PCDH15: variants seen among roughly 807,000 people sequenced by gnomAD.
The protein encoded by PCDH15 is protocadherin-15.
Under a neutral mutation model 178.5 loss-of-function variants are expected in PCDH15, and 129 were observed. The observed-to-expected ratio is 0.72, with a 90% CI of 0.63 to 0.84. PCDH15 has a LOEUF of 0.84. PCDH15 is among the 40% of genes least tolerant of loss of function. PCDH15 has a pLI of 0.00. For missense variants in PCDH15, 2,230 were observed against 2,099.9 expected, an observed-to-expected ratio of 1.06 and a Z score of -1.21; for synonymous variants, 800 against 732.0, an observed-to-expected ratio of 1.09 and a Z score of -1.50.
At chr10:55,216,871 A>T (rs1284055544) in intron 1 of PCDH15, among the ~76,000 whole-genome samples, 2 of 151,824 alleles carry the variant, frequency 1.3e-5, no homozygotes, top group Non-Finnish European at 2.9e-5. Context: ...TACCTAATAG[A>T]CATTTGTTTT....
intron 11 of PCDH15, among the ~76,000 whole-genome samples, chr10:54,195,111 A>G (rs937315291): frequency 2.0e-5 from 3 of 152,196 alleles, no homozygotes; most frequent in African/African-American, 7.2e-5. Flanking sequence ...CTAAGGAGGT[A>G]AAGTGTTCTG....
At chr10:54,145,301 A>G (rs1001083127) in intron 14 of PCDH15, among the ~76,000 whole-genome samples, 3 of 152,054 alleles carry the variant, frequency 2.0e-5, no homozygotes, top group Non-Finnish European at 4.4e-5. Context: ...ATATATGTCA[A>G]TATGTGCTAC....
chr10:55,205,180 C>T (rs191895322), intron 1 of PCDH15, among the ~76,000 whole-genome samples: 14 of 152,020 alleles, frequency 9.2e-5, no homozygotes, highest in South Asian at 6.2e-4. Context: ...AAACCACTTA[C>T]GTAAGTTACA....
At chr10:53,949,974 C>A (rs2086887166) in intron 23 of PCDH15, among the ~76,000 whole-genome samples, 1 of 152,008 alleles carries the variant, frequency 6.6e-6, no homozygotes, top group Admixed American at 6.6e-5. Context: ...TAATATAAAG[C>A]TTCTTGAGAA....
At position 54,379,072 on chromosome 10, in the gene PCDH15, C is replaced by A. The variant is rs772084869; in HGVS notation, c.158-130G>T. 4 of 928,220 alleles carry A rather than the reference C, an allele frequency of 4.3e-6. No homozygotes were observed. In the East Asian group the frequency reaches 7.3e-5, roughly 17 times the overall value. The allele number at this position is 928,220 out of a possible 1,614,324, so 57.5% of individuals were successfully genotyped here. A position where few individuals can be genotyped will look rare whatever the true frequency, so the allele number is the denominator to read the frequency against. Reference sequence around the variant, plus strand: ...TGAAAATACTCAACTGTATATCTAGCATAAGACAGAAAATATTCTTTACCA... The same window carrying A: ...TGAAAATACTCAACTGTATATCTAGAATAAGACAGAAAATATTCTTTACCA... On this transcript the variant is annotated intron_variant, in intron 3 of 37. Transcript: ENST00000644397.
At chr10:55,395,182 TGTGTGTGTGTGTGTGAGAGA>T (rs1837891564) in intron 2 of PCDH15, among the ~76,000 whole-genome samples, 1 of 87,342 alleles carries the variant, frequency 1.1e-5, no homozygotes, top group Non-Finnish European at 2.3e-5. Context: ...TGTGTGTGTG[TGTGTGTGTGTGTGTGAGAGA>T]GAGAGAGAGA....
intron 2 of PCDH15, among the ~76,000 whole-genome samples, chr10:54,640,053 G>C (rs1426208493): frequency 1.3e-5 from 2 of 152,004 alleles, no homozygotes; most frequent in African/African-American, 4.8e-5. Flanking sequence ...CCTGTGAATA[G>C]CACTGCACTC....
intron 1 of PCDH15, among the ~76,000 whole-genome samples, chr10:55,184,307 T>C (rs1327980511): frequency 2.0e-5 from 3 of 151,934 alleles, no homozygotes; most frequent in Non-Finnish European, 4.4e-5. Flanking sequence ...CGTACTGCCA[T>C]AGAGAATATA....
At chr10:55,623,747 A>G (rs1286314000) in intron 2 of PCDH15, among the ~76,000 whole-genome samples, 1 of 151,004 alleles carries the variant, frequency 6.6e-6, no homozygotes, top group African/African-American at 2.4e-5. Context: ...GATTATTTTG[A>G]AAAAGGCAGT....
intron 2 of PCDH15, among the ~76,000 whole-genome samples, chr10:54,631,313 G>A (rs985433007): frequency 9.9e-5 from 15 of 152,264 alleles, no homozygotes; most frequent in African/African-American, 3.6e-4. Flanking sequence ...TGTGCTTCCT[G>A]TACAGCCTGC....
At chr10:55,357,459 G>C (rs931255383) in intron 2 of PCDH15, among the ~76,000 whole-genome samples, 1 of 151,686 alleles carries the variant, frequency 6.6e-6, no homozygotes, top group African/African-American at 2.4e-5. Context: ...GGACTGTGAG[G>C]GTCAATTCCG....
intron 2 of PCDH15, among the ~76,000 whole-genome samples, chr10:55,109,626 G>GA (rs1266152303): frequency 1.3e-5 from 2 of 152,060 alleles, no homozygotes; most frequent in African/African-American, 2.4e-5. Context: ...TAAGGTCGGT[G>GA]AAAAATCTCA....
chr10:54,789,796 T>C, intron 1 of PCDH15, among the ~76,000 whole-genome samples: 1 of 151,944 alleles, frequency 6.6e-6, no homozygotes, highest in East Asian at 1.9e-4. Flanking sequence ...TAAAAAGTAT[T>C]AAACCACAGG....
intron 2 of PCDH15, among the ~76,000 whole-genome samples, chr10:55,370,118 C>A (rs1361552609): frequency 6.6e-6 from 1 of 152,100 alleles, no homozygotes; most frequent in African/African-American, 2.4e-5. Flanking sequence ...AAAATCTAGA[C>A]TATTCCTTAA....
chr10:54,392,863 A>T (rs1950725846), intron 3 of PCDH15, among the ~76,000 whole-genome samples: 1 of 150,220 alleles, frequency 6.7e-6, no homozygotes, highest in Non-Finnish European at 1.5e-5. Context: ...TATGCCACTG[A>T]ACTCCAGTCT....
At chr10:55,486,295 TACTC>T (rs1840297296) in intron 2 of PCDH15, among the ~76,000 whole-genome samples, 2 of 151,844 alleles carry the variant, frequency 1.3e-5, no homozygotes, top group Admixed American at 1.3e-4. Flanking sequence ...CAAATACAGT[TACTC>T]AATAGTGAAA....
intron 2 of PCDH15, among the ~76,000 whole-genome samples, chr10:55,327,884 T>G (rs1844076514): frequency 6.6e-6 from 1 of 152,018 alleles, no homozygotes; most frequent in Admixed American, 6.6e-5. Context: ...GGCAAGATAG[T>G]AATCACCCAA....
rs1415184081 is a variant in PCDH15, at chr10:55,609,044, A to G, written c.-156+18581T>C. 6.0e-5 allele frequency among the ~76,000 whole-genome samples: 9 copies of G among 150,710 alleles called. No individual in the cohort carries two copies. The South Asian group carries it at 6.4e-4, about 11-fold the overall frequency. ...CACACACACACACACACACACACAC[A>G]CGCACACACATATACACACAATATT... On this transcript the variant is annotated intron_variant, in intron 2 of 5. Transcript: ENST00000613346.
In PCDH15 at chr10:54,952,519, C is replaced by T. The variant is rs117011862; in HGVS notation, c.-79-55019G>A. Among the ~76,000 whole-genome samples the T allele has an allele frequency of 7.6e-3, 1,159 of 151,752 alleles. 8 individuals carry two copies. The highest frequency in any genetic ancestry group is 0.011 in the Non-Finnish European group (721 of 67,754). The stretch of plus-strand genomic sequence containing the variant: ...GCCTCTCCATATAAATTTTCAAATC[C>T]GCTTGTCAGTATTCACAGAATAACT... On this transcript the variant is annotated intron_variant, in intron 2 of 5. Coordinates refer to the PCDH15 transcript ENST00000458638.
Sources: allele counts gnomAD v4.1 joint callset (sites outside exome capture counted in the v4.1 genomes callset), GRCh38; gene constraint gnomAD v4.1.1; transcripts MANE v1.5; gene names NCBI Gene and HGNC (gene_info 2026-07-23, HGNC 2026-07-21).